ZNF410: variants seen among roughly 807,000 people sequenced by gnomAD.
ZNF410 encodes another partner for ARF 1.
In ZNF410, 18 loss-of-function variants were observed where a neutral mutation model predicts 54.8. The ratio of observed to expected loss-of-function variants is 0.33; its 90% CI spans 0.23 to 0.49. ZNF410 has a LOEUF of 0.49. Among genes scored for constraint, ZNF410 ranks in the 20% least tolerant of loss-of-function variants. ZNF410 has a pLI of 0.99. For missense variants in ZNF410, 405 were observed against 569.6 expected (o/e 0.71, Z 2.94); for synonymous variants, 191 against 207.3 (o/e 0.92, Z 0.68).
chr14:73,929,422 C>T (rs1052531817), intron 11 of ZNF410, among the ~76,000 whole-genome samples: 2 of 151,932 alleles, frequency 1.3e-5, no homozygotes, highest in Admixed American at 1.3e-4. Flanking sequence ...AACACATGTC[C>T]GTTTCACCTT....
intron 8 of ZNF410, chr14:73,920,229 G>A (rs2055736814): frequency 6.6e-6 from 1 of 151,988 alleles, no homozygotes; most frequent in South Asian, 2.1e-4. Context: ...TTGTGAATTT[G>A]TTCCTAGCAT....
At chr14:73,923,633 G>T in intron 11 of ZNF410, 111 bp downstream of exon 11, 2 of 1,403,482 alleles carry the variant, frequency 1.4e-6, no homozygotes, top group South Asian at 1.4e-5. Flanking sequence ...ACTTTGGCAC[G>T]AATATTTTCC....
chr14:73,902,123 C>T (rs62003719), intron 5 of ZNF410: 48,364 of 147,086 alleles, frequency 0.33, 9,225 homozygotes, highest in Non-Finnish European at 0.42. Context: ...GGCTGGAGTG[C>T]AGTGGCGCGA....
intron 1 of ZNF410, among the ~76,000 whole-genome samples, chr14:73,890,662 G>A (rs1274947551): frequency 6.6e-6 from 1 of 152,094 alleles, no homozygotes; most frequent in Non-Finnish European, 1.5e-5. Context: ...AAAATAAAAT[G>A]GACTCACATT....
intron 2 of ZNF410, 187 bp from the exon 3 acceptor site, chr14:73,893,610 T>C: frequency 1.7e-6 from 1 of 588,852 alleles, no homozygotes; most frequent in Non-Finnish European, 2.6e-6. Flanking sequence ...CACATGACTT[T>C]ATATAAATCA....
chr14:73,895,296 GA>G (rs2055298752), intron 3 of ZNF410: 1 of 152,156 alleles, frequency 6.6e-6, no homozygotes, highest in Admixed American at 6.5e-5. Context: ...GGAGAAAAGG[GA>G]ACCTTTGTAC....
chr14:73,919,397 A>G (rs2055722086), intron 8 of ZNF410, among the ~76,000 whole-genome samples: 1 of 152,126 alleles, frequency 6.6e-6, no homozygotes, highest in African/African-American at 2.4e-5. Context: ...CCTGTTGACC[A>G]AGCAGTGAAC....
intron 1 of ZNF410, among the ~76,000 whole-genome samples, chr14:73,889,229 C>T (rs2055186463): frequency 1.3e-5 from 2 of 152,128 alleles, no homozygotes; most frequent in Admixed American, 1.3e-4. Flanking sequence ...GGCTGGAGTG[C>T]AGTGGCGTGA....
chr14:73,902,716 T>C (rs2055426965), intron 5 of ZNF410, among the ~76,000 whole-genome samples: 1 of 152,184 alleles, frequency 6.6e-6, no homozygotes. Flanking sequence ...TGACTATTAA[T>C]TTTTTTCTCT....
chr14:73,930,842 T>C (rs59363432), intron 11 of ZNF410, among the ~76,000 whole-genome samples: 23,424 of 151,638 alleles, frequency 0.15, 2,371 homozygotes, highest in East Asian at 0.49. Flanking sequence ...CTCAAGCAGT[T>C]CTCCTGCCTC....
intron 8 of ZNF410, 128 bp downstream of exon 8, chr14:73,909,558 C>T: frequency 3.0e-6 from 2 of 670,622 alleles, no homozygotes; most frequent in Non-Finnish European, 5.0e-6. Context: ...AGCTTCTCAT[C>T]ATCATGACAG....
At chr14:73,924,694 T>C in intron 11 of ZNF410, 2 of 449,816 alleles carry the variant, frequency 4.4e-6, no homozygotes, top group South Asian at 1.6e-5. Flanking sequence ...TTTTTTTTTT[T>C]GAGACAGAGT....
At chr14:73,915,298 C>A (rs1255770397) in intron 8 of ZNF410, among the ~76,000 whole-genome samples, 2 of 147,856 alleles carry the variant, frequency 1.4e-5, no homozygotes, top group East Asian at 2.0e-4. Context: ...GTATCCTTGT[C>A]TTTTTCCCAG....
rs897504668 is a variant in ZNF410, at chr14:73,918,856, G to A, written c.1004-2124G>A. 6.0e-5 allele frequency among the ~76,000 whole-genome samples: 9 copies of A among 150,616 alleles called. 1 individual carries two copies. The highest frequency in any genetic ancestry group is 2.0e-4 in the East Asian group (1 of 5,104). ...TGGGACTACAGGCGCCCGCCACCAC[G>A]CCCGGCTACCTTTTTGTATTTTTAG... On this transcript the variant is annotated intron_variant, in intron 8 of 11. Coordinates refer to ENST00000555044, the MANE Select transcript of ZNF410 (RefSeq NM_021188.3).
chr14:73,918,893 T>TTTC (rs1268680143), intron 8 of ZNF410, among the ~76,000 whole-genome samples: 2 of 148,334 alleles, frequency 1.3e-5, no homozygotes, highest in African/African-American at 5.0e-5. Context: ...AGAGATGGGG[T>TTTC]TTCACCGTGT....
intron 4 of ZNF410, 96 bp downstream of exon 4, chr14:73,896,630 T>G (rs1231681526): frequency 2.2e-6 from 2 of 906,914 alleles, no homozygotes; most frequent in Non-Finnish European, 3.3e-6. Context: ...AGAAAGAACC[T>G]TTATTATTTT....
rs1402385509 is a variant in ZNF410, at chr14:73,904,129, T to A, written c.731+19T>A. ...CTCATCGGTGAGCAAATCCGAGATC[T>A]CATATTTGGATATACGTTGATGCAA... On this transcript the variant is annotated intron_variant, in intron 6 of 11. Transcript: ENST00000555044. 1.9e-6 allele frequency: 3 copies of A among 1,609,776 alleles called. No homozygotes were observed. Among genetic ancestry groups the A allele is most frequent in the Non-Finnish European group, 2.5e-6 (3 of 1,177,828 alleles).
intron 8 of ZNF410, among the ~76,000 whole-genome samples, chr14:73,915,210 C>T (rs191780530): frequency 6.8e-6 from 1 of 146,226 alleles, no homozygotes; most frequent in Non-Finnish European, 1.5e-5. Context: ...TGCAGTGAGT[C>T]GAGATCGCGC....
In ZNF410 at chr14:73,932,123, G is replaced by T. The variant is rs896963902; in HGVS notation, c.*582G>T. Reference sequence around the variant, plus strand: ...TTGGCCCAGGCTGAGGTACTATCTTGTCCTATACACTTCTACTTGGTCACT... The same window carrying T: ...TTGGCCCAGGCTGAGGTACTATCTTTTCCTATACACTTCTACTTGGTCACT... On this transcript the variant is annotated 3_prime_UTR_variant, in exon 12 of 12. Transcript: ENST00000555044. The T allele has an allele frequency of 1.1e-4, 45 of 421,930 alleles. No homozygotes were observed. Among genetic ancestry groups the T allele is most frequent in the South Asian group, 3.0e-4 (18 of 59,930 alleles). The allele number at this position is 421,930 out of a possible 1,614,324, so 26.1% of individuals were successfully genotyped here. A position where few individuals can be genotyped will look rare whatever the true frequency, so the allele number is the denominator to read the frequency against.
Sources: allele counts gnomAD v4.1 joint callset (sites outside exome capture counted in the v4.1 genomes callset), GRCh38; gene constraint gnomAD v4.1.1; transcripts MANE v1.5; gene names NCBI Gene and HGNC (gene_info 2026-07-23, HGNC 2026-07-21).